Variants in RIOX2 observed in about 807,000 individuals in gnomAD.
The protein encoded by RIOX2 is 60S ribosomal protein L27a histidine hydroxylase.
In RIOX2, 43 loss-of-function variants were observed where a neutral mutation model predicts 51.2. That is an observed-to-expected ratio of 0.84 (90% CI 0.66 to 1.08). RIOX2 has a LOEUF of 1.08. Ranked by LOEUF, RIOX2 falls within the 50% of genes least tolerant of loss-of-function variation. The pLI is 0.00. For synonymous variants in RIOX2, 226 were observed against 218.5 expected, an observed-to-expected ratio of 1.03 and a Z score of -0.30; for missense variants, 566 against 561.7, an observed-to-expected ratio of 1.01 and a Z score of -0.08.
At chr3:97,957,341 A>G (rs2107166612) in intron 4 of RIOX2, among the ~76,000 whole-genome samples, 1 of 151,642 alleles carries the variant, frequency 6.6e-6, no homozygotes, top group African/African-American at 2.4e-5. Context: ...CTAAAGATAC[A>G]AAAAATTAGC....
In RIOX2 at chr3:97,945,151, A is replaced by G; in HGVS notation, c.*33T>C. On this transcript the variant is annotated 3_prime_UTR_variant, in exon 10 of 10. Coordinates refer to ENST00000394198, the MANE Select transcript of RIOX2 (RefSeq NM_153182.4). Reference sequence around the variant, plus strand: ...TTTGCTTTTCTTTTAATATATGCATATAAAATAGTAGGCATTTGATTCTGC... The same window carrying G: ...TTTGCTTTTCTTTTAATATATGCATGTAAAATAGTAGGCATTTGATTCTGC... 6.4e-7 allele frequency: 1 copy of G among 1,573,240 alleles called. No homozygotes were observed. The highest frequency in any genetic ancestry group is 1.4e-5 in the African/African-American group (1 of 72,688).
chr3:97,947,272 G>T, intron 8 of RIOX2, 89 bp downstream of exon 8: 1 of 959,784 alleles, frequency 1.0e-6, no homozygotes, highest in Non-Finnish European at 1.7e-6. Context: ...CTAAAGAAGG[G>T]CAGAGACCAG....
chr3:97,969,035 T>C (rs1446371642), intron 1 of RIOX2, among the ~76,000 whole-genome samples: 3 of 152,208 alleles, frequency 2.0e-5, no homozygotes, highest in African/African-American at 4.8e-5. Flanking sequence ...TTGCAACTTA[T>C]AAAAGAAACT....
At chr3:97,945,712 A>G (rs1332713778) in intron 9 of RIOX2, 86 bp downstream of exon 9, 2 of 1,042,288 alleles carry the variant, frequency 1.9e-6, no homozygotes, top group Non-Finnish European at 2.9e-6. Context: ...CATAAAAAGC[A>G]TATTACCTGT....
chr3:97,967,221 T>C lies in RIOX2; in HGVS notation c.373A>G (p.Arg125Gly). ...KDGKAHFLQL[R>G]KDFDQKRATI... Reference sequence around the variant, plus strand: ...GCCCTTTTCTGATCAAAATCTTTTCTCAGCTGAAGAAAGTGTGCTTTGCCA... The same window carrying C: ...GCCCTTTTCTGATCAAAATCTTTTCCCAGCTGAAGAAAGTGTGCTTTGCCA... Residue 125 changes from arginine (R) to glycine (G), a missense_variant, in exon 2 of 10, where the codon AGA becomes GGA. Coordinates refer to ENST00000394198, the MANE Select transcript of RIOX2 (RefSeq NM_153182.4). 6.2e-7 allele frequency: 1 copy of C among 1,614,250 alleles called. No individual in the cohort carries two copies. The highest frequency in any genetic ancestry group is 8.5e-7 in the Non-Finnish European group (1 of 1,180,032).
chr3:97,958,915 C>A (rs1002650048), intron 4 of RIOX2, 136 bp downstream of exon 4: 3 of 942,528 alleles, frequency 3.2e-6, no homozygotes, highest in Non-Finnish European at 4.5e-6. Context: ...TGAGAAGCAC[C>A]CTGCCCTGAA....
At chr3:97,946,604 A>ATATATATATCTATC (rs1553712244) in intron 8 of RIOX2, among the ~76,000 whole-genome samples, 6 of 139,718 alleles carry the variant, frequency 4.3e-5, no homozygotes, top group South Asian at 2.3e-4. Context: ...ATATATATAT[A>ATATATATATCTATC]TATCTATTCA....
In RIOX2 at chr3:97,944,067, C is replaced by G. The variant is rs1038116941; in HGVS notation, c.*1117G>C. ...AGACTCTATAACAGTGGTTACCTGT[C>G]TCCATGTTGACACTTCATCCTAGAT... On this transcript the variant is annotated 3_prime_UTR_variant, in exon 10 of 10. Transcript: ENST00000394198. The G allele has an allele frequency of 6.6e-6, 1 of 151,592 alleles. No homozygotes were observed. 9.4% of individuals were successfully genotyped at this position (151,592 alleles called of 1,614,324 possible).
chr3:97,967,663 G>T, intron 1 of RIOX2, 31 bp from the exon 2 acceptor site: 5 of 1,448,604 alleles, frequency 3.5e-6, no homozygotes, highest in Non-Finnish European at 4.6e-6. Flanking sequence ...ACATGGTTAG[G>T]TTTACAAGGA....
chr3:97,964,335 T>A (rs750199896), intron 2 of RIOX2, among the ~76,000 whole-genome samples: 22 of 152,096 alleles, frequency 1.4e-4, no homozygotes, highest in Admixed American at 2.6e-4. Context: ...TCAGAAACCC[T>A]TATCAGCTTG....
At chr3:97,960,147 C>A (rs1705621361) in intron 3 of RIOX2, among the ~76,000 whole-genome samples, 1 of 152,064 alleles carries the variant, frequency 6.6e-6, no homozygotes, top group Admixed American at 6.6e-5. Flanking sequence ...CCATGGGACC[C>A]ATATGATGTG....
rs779885038 is a variant in RIOX2 at position 97,943,448 on chromosome 3, A to G, written c.*1736T>C. Reference sequence around the variant, plus strand: ...ACTGAGCAGAATGAACATTTTCTCCAGCCTCTGAGACTATCGCTCTTAACC... The same window carrying G: ...ACTGAGCAGAATGAACATTTTCTCCGGCCTCTGAGACTATCGCTCTTAACC... On this transcript the variant is annotated 3_prime_UTR_variant, in exon 10 of 10. Coordinates refer to ENST00000394198, the MANE Select transcript of RIOX2 (RefSeq NM_153182.4). 1 of 635,886 alleles carries G rather than the reference A, an allele frequency of 1.6e-6. No homozygotes were observed. The highest frequency in any genetic ancestry group is 3.0e-5 in the East Asian group (1 of 33,348). 39.4% of individuals were successfully genotyped at this position (635,886 alleles called of 1,614,324 possible).
chr3:97,960,698 G>A (rs116360450), intron 3 of RIOX2, among the ~76,000 whole-genome samples: 3,844 of 152,246 alleles, frequency 0.025, 154 homozygotes, highest in African/African-American at 0.088. Context: ...CCTGACACTG[G>A]ATATTCATTC....
At chr3:97,965,606 G>A (rs1165369069) in intron 2 of RIOX2, among the ~76,000 whole-genome samples, 1 of 152,086 alleles carries the variant, frequency 6.6e-6, no homozygotes, top group East Asian at 1.9e-4. Flanking sequence ...CTCAGCCAGA[G>A]CCTAGTCAAC....
Position 97,967,289 on chromosome 3 carries a change from A to G in RIOX2, c.305T>C (p.Val102Ala), listed in dbSNP as rs774885419. 1 of 1,614,230 alleles carries G rather than the reference A, an allele frequency of 6.2e-7. No homozygotes were observed. The highest frequency in any genetic ancestry group is 1.7e-5 in the Admixed American group (1 of 60,028). The change falls in exon 2 of 10, where the codon GTC becomes GCC. Residue 102 changes from valine to alanine, a missense_variant. By Grantham distance (64) the Val-to-Ala change is moderately conservative (BLOSUM62 0). Transcript: ENST00000394198. ...RGMYYGRDVN[V>A]CRCVNGKKKV... ...CTTCTTCCCATTGACACACCGGCAG[A>G]CATTCACATCTCTTCCATAGTACAT...
intron 6 of RIOX2, 112 bp from the exon 7 acceptor site, chr3:97,950,127 T>C: frequency 2.0e-6 from 2 of 997,000 alleles, no homozygotes; most frequent in East Asian, 2.5e-5. Flanking sequence ...CATTAATCCA[T>C]GTCATTCCAA....
rs1471345070 is a variant in RIOX2, at chr3:97,942,266, A to T, written c.*2918T>A. 5.1e-6 allele frequency: 8 copies of T among 1,581,642 alleles called. No homozygotes were observed. The highest frequency in any genetic ancestry group is 2.3e-5 in the South Asian group (2 of 86,370). On this transcript the variant is annotated 3_prime_UTR_variant, in exon 10 of 10. Coordinates refer to ENST00000394198, the MANE Select transcript of RIOX2 (RefSeq NM_153182.4). ...GCAAACATACTACTGCCAATTAATC[A>T]TTTCTTAACCCTTTTAGGCCAGTGA...
At position 97,949,975 on chromosome 3, in the gene RIOX2, C is replaced by T. The variant is rs1218914222; in HGVS notation, c.929G>A (p.Gly310Asp). Residue 310 changes from glycine (G) to aspartate (D), a missense_variant, in exon 7 of 10, where the codon GGC becomes GAC. Transcript: ENST00000394198. ...CCGGTCTGCAAGTGTCCTCAGGAAGCCACTTAATCGTCTTGTAGCAACAGT... is the reference window on the plus strand; with the variant it reads ...CCGGTCTGCAAGTGTCCTCAGGAAGTCACTTAATCGTCTTGTAGCAACAGT... ...STTVATRRLS[G>D]FLRTLADRLE... is the part of the protein sequence containing the mutation. 1.2e-6 allele frequency: 2 copies of T among 1,613,816 alleles called. No individual in the cohort carries two copies. Among genetic ancestry groups the T allele is most frequent in the Non-Finnish European group, 1.7e-6 (2 of 1,179,932 alleles).
At chr3:97,972,115 ACT>A (rs1194676792) in intron 1 of RIOX2, 7 of 150,638 alleles carry the variant, frequency 4.6e-5, no homozygotes, top group East Asian at 2.0e-4. Flanking sequence ...CACGTGTGCG[ACT>A]CTCTGTAACC....
Sources: gnomAD v4.1 joint callset for allele counts (sites outside exome capture counted in the v4.1 genomes callset) on GRCh38, gnomAD v4.1.1 for gene constraint, MANE v1.5 for transcripts, NCBI Gene and HGNC (gene_info 2026-07-23, HGNC 2026-07-21) for gene names.